PRKDC: variants seen among roughly 807,000 people sequenced by gnomAD.
The protein encoded by PRKDC is protein kinase, DNA-activated, catalytic subunit.
PRKDC carries 82 observed loss-of-function variants against 486.9 expected under a neutral mutation model. That is an observed-to-expected ratio of 0.17 (90% CI 0.14 to 0.20). PRKDC has a LOEUF of 0.20. Ranked by LOEUF, PRKDC falls within the 10% of genes least tolerant of loss-of-function variation. The probability of loss-of-function intolerance (pLI) is 1.00; values close to 1 mark genes in which losing one functional copy is unlikely to be tolerated. For missense variants in PRKDC, 4,504 were observed against 5,038.2 expected, an observed-to-expected ratio of 0.89 and a Z score of 3.21; for synonymous variants, 1,895 against 1,837.0, an observed-to-expected ratio of 1.03 and a Z score of -0.81.
At chr8:47,783,599 AAG>A (rs1381490526) in intron 78 of PRKDC, 141 bp downstream of exon 78, 39 of 828,910 alleles carry the variant, frequency 4.7e-5, no homozygotes, top group Non-Finnish European at 1.1e-5. Context: ...CAAAAAAAAA[AAG>A]AGGAATTCAG....
intron 7 of PRKDC, among the ~76,000 whole-genome samples, chr8:47,948,553 AG>A (rs2090575620): frequency 6.9e-6 from 1 of 145,142 alleles, no homozygotes; most frequent in Admixed American, 7.0e-5. Context: ...TCCGCCTCCC[AG>A]GTTCAAGTGA....
chr8:47,882,073 A>C lies in PRKDC; in HGVS notation c.4801T>G (p.Leu1601Val). Residue 1601 changes from leucine (L) to valine (V), a missense_variant, in exon 37 of 86, where the codon TTA becomes GTA. Physicochemically the swap from Leu to Val is conservative, Grantham distance 32. Around this residue, in one of 6 missense-constraint regions of PRKDC, gnomAD observed 1,969 missense variants for 2,068.9 expected, o/e 0.95. Transcript: ENST00000314191. ...GCTCGCTCCCTGAAGCTCTGGTCTA[A>C]CATGCCGTTCAAAACGGCACTCACC... ...KMVSAVLNGM[L>V]DQSFRERANQ... The C allele has an allele frequency of 6.2e-7, 1 of 1,613,916 alleles. No homozygotes were observed. The highest frequency in any genetic ancestry group is 8.5e-7 in the Non-Finnish European group (1 of 1,179,832).
At chr8:47,907,411 T>TACACACACAC (rs746467406) in intron 25 of PRKDC, among the ~76,000 whole-genome samples, 3 of 148,870 alleles carry the variant, frequency 2.0e-5, no homozygotes, top group African/African-American at 7.4e-5. Context: ...TATATATATA[T>TACACACACAC]ACACACACAC....
Position 47,807,339 on chromosome 8 carries a change from A to C in PRKDC, c.9558-13T>G. The C allele has an allele frequency of 6.6e-7, 1 of 1,521,274 alleles. No individual in the cohort carries two copies. The highest frequency in any genetic ancestry group is 8.8e-7 in the Non-Finnish European group (1 of 1,132,726). 94.2% of individuals were successfully genotyped at this position (1,521,274 alleles called of 1,614,324 possible). On this transcript the variant is annotated splice_polypyrimidine_tract_variant and intron_variant, in intron 68 of 85. Transcript: ENST00000314191. ...GAGAAAGAAACATCTACACAAAGAA[A>C]AATGAGACAATGTCACAGACTCAGG...
intron 41 of PRKDC, among the ~76,000 whole-genome samples, chr8:47,863,980 C>T (rs1435044439): frequency 2.0e-5 from 3 of 152,174 alleles, no homozygotes; most frequent in African/African-American, 4.8e-5. Context: ...ATCCTGCCCT[C>T]GCCCCACAAA....
chr8:47,803,842 G>A (rs1447233098), intron 69 of PRKDC, among the ~76,000 whole-genome samples: 1 of 151,768 alleles, frequency 6.6e-6, no homozygotes, highest in African/African-American at 2.4e-5. Flanking sequence ...CAGCTACTCT[G>A]GACACTAAGG....
intron 80 of PRKDC, among the ~76,000 whole-genome samples, chr8:47,781,078 G>A (rs530577665): frequency 1.3e-5 from 2 of 152,164 alleles, no homozygotes; most frequent in South Asian, 4.1e-4. Flanking sequence ...CAACTCTCCT[G>A]GTACCTATGT....
At position 47,960,098 on chromosome 8, in the gene PRKDC, C is replaced by T; in HGVS notation, c.29G>A (p.Cys10Tyr). The change falls in exon 1 of 86, where the codon TGC becomes TAC. Residue 10 changes from cysteine (C) to tyrosine (Y), a missense_variant. Cys to Tyr is a radical substitution (Grantham distance 194). This residue lies in a region of PRKDC where 145 missense variants were observed against 136.3 expected (regional missense o/e 1.06). Transcript: ENST00000314191. MAGSGAGVR[C>Y]SLLRLQETLS... ...GGTCTCCTGCAGCCGCAGCAGGGAGCAACGCACACCGGCTCCGGAGCCCGC... is the reference window on the plus strand; with the variant it reads ...GGTCTCCTGCAGCCGCAGCAGGGAGTAACGCACACCGGCTCCGGAGCCCGC... 1 of 1,516,990 alleles carries T rather than the reference C, an allele frequency of 6.6e-7. No homozygotes were observed. The allele number at this position is 1,516,990 out of a possible 1,614,324, so 94.0% of individuals were successfully genotyped here.
chr8:47,866,225 A>C (rs1195077662), intron 40 of PRKDC, among the ~76,000 whole-genome samples: 5 of 151,638 alleles, frequency 3.3e-5, no homozygotes, highest in African/African-American at 7.3e-5. Flanking sequence ...GATGACTCAG[A>C]GAGAAGGTGC....
At position 47,886,045 on chromosome 8, in the gene PRKDC, A is replaced by G. The variant is rs1184949644; in HGVS notation, c.4675T>C (p.Phe1559Leu). ...SVIHFSHGEYFYSLFSETINT... is the reference protein window; with the variant it reads ...SVIHFSHGEYLYSLFSETINT... ...ATCGTTTCTGAGAACAAGCTATAGAAATACTCCCCATGGGAGAAGTGGATG... is the reference window on the plus strand; with the variant it reads ...ATCGTTTCTGAGAACAAGCTATAGAGATACTCCCCATGGGAGAAGTGGATG... The change falls in exon 36 of 86, where the codon TTC becomes CTC. Residue 1559 changes from phenylalanine to leucine, a missense_variant. This residue lies in a region of PRKDC where 1,969 missense variants were observed against 2,068.9 expected (regional missense o/e 0.95). Coordinates refer to ENST00000314191, the MANE Select transcript of PRKDC (RefSeq NM_006904.7). 1.2e-6 allele frequency: 2 copies of G among 1,613,710 alleles called. No individual in the cohort carries two copies. Among genetic ancestry groups the G allele is most frequent in the African/African-American group, 1.3e-5 (1 of 74,942 alleles).
chr8:47,846,443 A>T (rs2088266604), intron 54 of PRKDC, among the ~76,000 whole-genome samples: 1 of 151,892 alleles, frequency 6.6e-6, no homozygotes, highest in Non-Finnish European at 1.5e-5. Flanking sequence ...AAAAAGAAAA[A>T]AATCCAACAT....
chr8:47,826,456 T>C (rs1467796518), intron 63 of PRKDC, among the ~76,000 whole-genome samples, 200 bp downstream of exon 63: 2 of 152,268 alleles, frequency 1.3e-5, no homozygotes, highest in Non-Finnish European at 2.9e-5. Flanking sequence ...TTCTCTTTCC[T>C]TGAGCAAGAC....
intron 84 of PRKDC, among the ~76,000 whole-genome samples, 183 bp downstream of exon 84, chr8:47,777,503 C>T (rs1563728672): frequency 6.6e-6 from 1 of 152,134 alleles, no homozygotes; most frequent in East Asian, 1.9e-4. Context: ...GCCACTGGGC[C>T]CAGCCTCTTA....
chr8:47,959,468 G>C (rs1370868754), intron 1 of PRKDC, among the ~76,000 whole-genome samples: 2 of 152,038 alleles, frequency 1.3e-5, no homozygotes, highest in Non-Finnish European at 2.9e-5. Context: ...CACGAGGTCA[G>C]GAGTTCGAGA....
intron 31 of PRKDC, among the ~76,000 whole-genome samples, chr8:47,891,349 C>T (rs6982203): frequency 0.028 from 4,339 of 152,290 alleles, 214 homozygotes; most frequent in African/African-American, 0.097. Flanking sequence ...TCAATCCAAA[C>T]TGTCAACTGA....
intron 11 of PRKDC, among the ~76,000 whole-genome samples, chr8:47,938,861 C>T (rs1003596513): frequency 1.8e-4 from 28 of 152,208 alleles, no homozygotes; most frequent in African/African-American, 6.8e-4. Flanking sequence ...TGGGCCGCCA[C>T]ACCTAGCTAA....
In PRKDC at chr8:47,887,703, G is replaced by A; in HGVS notation, c.4416C>T (p.Ser1472=). ...TGCCAACAGAATGATGCAAATCTGT[G>A]GACTAAAAGGAAGCCAACACTGAAA... ...GLLHNILPSQ[S]TDLHHSVGTE... The change falls in exon 35 of 86, where the codon TCC becomes TCT. Residue 1472 remains serine (S), a splice_region_variant and synonymous_variant. Coordinates refer to ENST00000314191, the MANE Select transcript of PRKDC (RefSeq NM_006904.7). 6.2e-7 allele frequency: 1 copy of A among 1,601,214 alleles called. No homozygotes were observed. The highest frequency in any genetic ancestry group is 8.5e-7 in the Non-Finnish European group (1 of 1,174,818).
intron 31 of PRKDC, among the ~76,000 whole-genome samples, chr8:47,892,527 C>T (rs1235174260): frequency 6.6e-6 from 1 of 152,078 alleles, no homozygotes; most frequent in Non-Finnish European, 1.5e-5. Context: ...GATAGTGTCT[C>T]GCCGTGTTGC....
In PRKDC at chr8:47,782,236, C is replaced by G. The variant is rs770231136; in HGVS notation, c.11415G>C (p.Trp3805Cys). 2.5e-6 allele frequency: 4 copies of G among 1,613,834 alleles called. No homozygotes were observed. In the East Asian group the frequency reaches 8.9e-5, roughly 36 times the overall value. The change falls in exon 80 of 86, where the codon TGG (tryptophan) becomes TGC (cysteine). Residue 3805 changes from tryptophan (W) to cysteine (C), a missense_variant. Trp to Cys is a radical substitution (Grantham distance 215, BLOSUM62 -2). Transcript: ENST00000314191. The surrounding 1 kb of genome is among the most constrained non-coding windows in gnomAD (Gnocchi z 4.9). The stretch of plus-strand genomic sequence containing the variant: ...CCTTCAAGGTAACAGTATTTTCAAG[C>G]CACTCAATTAATCCTAACCTGAAAG... ...PMTSRLGLIE[W>C]LENTVTLKDL...
Sources: gnomAD v4.1 joint callset for allele counts (sites outside exome capture counted in the v4.1 genomes callset) on GRCh38, gnomAD v4.1.1 for gene constraint, gnomAD v4.1.1 regional missense constraint, Gnocchi (gnomAD v3.1) non-coding constraint, MANE v1.5 for transcripts, NCBI Gene and HGNC (gene_info 2026-07-23, HGNC 2026-07-21) for gene names.